Variants in RNF111 observed in about 807,000 individuals in gnomAD.
RNF111 encodes ring finger protein 111.
RNF111 carries 17 observed loss-of-function variants against 95.1 expected under a neutral mutation model. That is an observed-to-expected ratio of 0.18 (90% CI 0.12 to 0.27). The LOEUF is 0.27. Ranked by LOEUF, RNF111 falls within the 10% of genes least tolerant of loss-of-function variation. RNF111 has a pLI of 1.00. For missense variants in RNF111, 1,189 were observed against 1,210.4 expected, an observed-to-expected ratio of 0.98 and a Z score of 0.26; for synonymous variants, 440 against 414.8, an observed-to-expected ratio of 1.06 and a Z score of -0.74.
intron 6 of RNF111, 145 bp downstream of exon 6, chr15:59,067,228 C>G (rs2042699315): frequency 5.8e-6 from 4 of 692,988 alleles, no homozygotes. Context: ...CCCTCCCTGC[C>G]TCCCTCCGTT....
At chr15:59,011,645 G>A (rs2039820898) in intron 1 of RNF111, among the ~76,000 whole-genome samples, 1 of 152,082 alleles carries the variant, frequency 6.6e-6, no homozygotes, top group South Asian at 2.1e-4. Context: ...TTTTTTCTGT[G>A]TGTTTGCATC....
chr15:59,076,206 C>T lies in RNF111; in HGVS notation c.1939C>T (p.Pro647Ser), dbSNP rs1398680644. Residue 647 changes from proline (P) to serine (S), a missense_variant, in exon 7 of 14, where the codon CCA becomes TCA. Physicochemically the swap from Pro to Ser is moderately conservative, Grantham distance 74. Coordinates refer to ENST00000348370, the MANE Select transcript of RNF111 (RefSeq NM_017610.8). The part of the protein sequence containing the change: ...PSLSSCRHYM[P>S]PPYASLTRPL... ...TCTCTCATCATGTCGACATTACATG[C>T]CACCCCCTTGTAAGTATATACTTAG... is the stretch of plus-strand genomic sequence containing the variant. 5 of 1,613,044 alleles carry T rather than the reference C, an allele frequency of 3.1e-6. No individual in the cohort carries two copies. The Admixed American group carries it at 5.0e-5, about 16-fold the overall frequency.
intron 10 of RNF111, among the ~76,000 whole-genome samples, chr15:59,086,728 A>T (rs2078911118): frequency 6.6e-6 from 1 of 152,172 alleles, no homozygotes; most frequent in South Asian, 2.1e-4. Context: ...AGCACTGGGA[A>T]CTCCAAGTAA....
chr15:59,033,688 G>A (rs1309223408), intron 2 of RNF111, among the ~76,000 whole-genome samples: 1 of 152,204 alleles, frequency 6.6e-6, no homozygotes, highest in Non-Finnish European at 1.5e-5. Context: ...GTCATTATCA[G>A]TGCCAGGGGT....
At chr15:59,002,511 G>A (rs1486322762) in intron 1 of RNF111, among the ~76,000 whole-genome samples, 1 of 151,708 alleles carries the variant, frequency 6.6e-6, no homozygotes, top group Non-Finnish European at 1.5e-5. Flanking sequence ...GTAGTCATGG[G>A]AACTGAAGTT....
chr15:59,051,807 GAATA>G (rs1303720735), intron 2 of RNF111, among the ~76,000 whole-genome samples: 8 of 148,236 alleles, frequency 5.4e-5, no homozygotes, highest in Non-Finnish European at 1.2e-4. Flanking sequence ...ATAAATAAAT[GAATA>G]AATAAACAAA....
chr15:58,999,849 G>T (rs545774485), intron 1 of RNF111, among the ~76,000 whole-genome samples: 39 of 152,242 alleles, frequency 2.6e-4, no homozygotes, highest in African/African-American at 9.1e-4. Context: ...TTTACTCATG[G>T]TAGAGGGCAA....
chr15:59,064,258 G>T lies in RNF111; in HGVS notation c.1367-2506G>T, dbSNP rs550381497. ...GTTCTAAAAAGTAAATAATCTGGCCGGGCGTGGTGCCTCACGCCTGTAATC... is the reference window on the plus strand; with the variant it reads ...GTTCTAAAAAGTAAATAATCTGGCCTGGCGTGGTGCCTCACGCCTGTAATC... On this transcript the variant is annotated intron_variant, in intron 5 of 13. Coordinates refer to ENST00000348370, the MANE Select transcript of RNF111 (RefSeq NM_017610.8). Among the ~76,000 whole-genome samples the T allele has an allele frequency of 2.2e-3, 339 of 152,212 alleles. 4 individuals carry two copies. The highest frequency in any genetic ancestry group is 7.7e-3 in the African/African-American group (318 of 41,530).
At chr15:59,019,246 TAA>T (rs1434178649) in intron 1 of RNF111, among the ~76,000 whole-genome samples, 8 of 152,136 alleles carry the variant, frequency 5.3e-5, no homozygotes, top group Admixed American at 5.2e-4. Context: ...TTTATTAAAT[TAA>T]GTTTTAATTA....
chr15:59,015,495 G>A (rs1414943282), intron 1 of RNF111, among the ~76,000 whole-genome samples: 2 of 151,892 alleles, frequency 1.3e-5, no homozygotes, highest in African/African-American at 4.8e-5. Flanking sequence ...AGCTTCCTCC[G>A]TAGTCTTTCT....
intron 2 of RNF111, among the ~76,000 whole-genome samples, chr15:59,048,698 G>T (rs1215695774): frequency 6.6e-6 from 1 of 152,108 alleles, no homozygotes; most frequent in African/African-American, 2.4e-5. Context: ...TTCAACAACA[G>T]GTTTGTAAAA....
intron 1 of RNF111, among the ~76,000 whole-genome samples, chr15:58,991,353 G>T (rs544537415): frequency 6.6e-6 from 1 of 152,214 alleles, no homozygotes; most frequent in Admixed American, 6.5e-5. Context: ...TTAAAGAGCG[G>T]TACTGCATTA....
chr15:59,067,194 C>G lies in RNF111; in HGVS notation c.1686+111C>G, dbSNP rs766906725. On this transcript the variant is annotated intron_variant, in intron 6 of 13. Coordinates refer to ENST00000348370, the MANE Select transcript of RNF111 (RefSeq NM_017610.8). ...CCTTCATTCCTGTCTCTCTCCCTCCCTCCATTTCTCTCCCTGCTTTCTTCC... is the reference window on the plus strand; with the variant it reads ...CCTTCATTCCTGTCTCTCTCCCTCCGTCCATTTCTCTCCCTGCTTTCTTCC... 270 of 904,500 alleles carry G rather than the reference C, an allele frequency of 3.0e-4. 1 individual carries two copies. Among genetic ancestry groups the G allele is most frequent in the Admixed American group, 4.7e-4 (17 of 36,528 alleles). The allele number at this position is 904,500 out of a possible 1,614,324, so 56.0% of individuals were successfully genotyped here. A position where few individuals can be genotyped will look rare whatever the true frequency, so the allele number is the denominator to read the frequency against.
In RNF111 at chr15:59,031,455, A is replaced by T. The variant is rs752824052; in HGVS notation, c.633A>T (p.Pro211=). The T allele has an allele frequency of 8.7e-6, 14 of 1,614,132 alleles. No homozygotes were observed. Among genetic ancestry groups the T allele is most frequent in the African/African-American group, 4.0e-5 (3 of 74,950 alleles). ...ATGGCAGTTCGTTACGGAGACTTCCATGCAGAAAGAGATTTGTAAAAAATA... is the reference window on the plus strand; with the variant it reads ...ATGGCAGTTCGTTACGGAGACTTCCTTGCAGAAAGAGATTTGTAAAAAATA... ...CLHGSSLRRL[P]CRKRFVKNNS... is the part of the protein sequence containing the mutation. Residue 211 remains proline (P), a synonymous_variant, in exon 2 of 14, where the codon CCA becomes CCT. Transcript: ENST00000348370.
intron 7 of RNF111, 89 bp from the exon 8 acceptor site, chr15:59,080,847 T>C (rs1268291411): frequency 3.0e-6 from 3 of 1,014,852 alleles, no homozygotes; most frequent in Non-Finnish European, 4.4e-6. Context: ...AATACTAATA[T>C]GTTTAAAAGT....
intron 1 of RNF111, among the ~76,000 whole-genome samples, chr15:59,001,548 G>T (rs1420311217): frequency 6.6e-6 from 1 of 152,144 alleles, no homozygotes; most frequent in Non-Finnish European, 1.5e-5. Flanking sequence ...TGATAATCAT[G>T]ACAGTTTTAC....
intron 3 of RNF111, among the ~76,000 whole-genome samples, chr15:59,054,779 C>A (rs1166938210): frequency 6.6e-6 from 1 of 152,070 alleles, no homozygotes; most frequent in Admixed American, 6.5e-5. Context: ...GGTTAAGCAC[C>A]CACCCCCAAT....
At chr15:58,989,210 A>T (rs1053772406) in intron 1 of RNF111, among the ~76,000 whole-genome samples, 7 of 152,230 alleles carry the variant, frequency 4.6e-5, no homozygotes, top group African/African-American at 1.7e-4. Flanking sequence ...ATGTCAGTAT[A>T]AGCCACATTG....
At chr15:59,046,384 G>A (rs1219926845) in intron 2 of RNF111, among the ~76,000 whole-genome samples, 1 of 152,072 alleles carries the variant, frequency 6.6e-6, no homozygotes, top group African/African-American at 2.4e-5. Flanking sequence ...GTGGAAATGA[G>A]GTTTCACCAT....
Sources: allele counts gnomAD v4.1 joint callset (sites outside exome capture counted in the v4.1 genomes callset), GRCh38; gene constraint gnomAD v4.1.1; transcripts MANE v1.5; gene names NCBI Gene and HGNC (gene_info 2026-07-23, HGNC 2026-07-21).